The following MTSS2 variants were observed in gnomAD, a reference collection of about 807,000 sequenced individuals.
The protein encoded by MTSS2 is MTSS I-BAR domain containing 2.
In MTSS2, 27 loss-of-function variants were observed where a neutral mutation model predicts 67.1. That is an observed-to-expected ratio of 0.40 (90% CI 0.30 to 0.55). The LOEUF is 0.55. Ranked by LOEUF, MTSS2 falls within the 20% of genes least tolerant of loss-of-function variation. The pLI, the probability that MTSS2 is intolerant of heterozygous loss-of-function variation, is 0.43. For synonymous variants in MTSS2, 624 were observed against 468.6 expected (o/e 1.33, Z -4.28); for missense variants, 1,171 against 1,067.8 (o/e 1.10, Z -1.35).
intron 1 of MTSS2, among the ~76,000 whole-genome samples, chr16:70,681,911 C>T (rs1272730369): frequency 1.3e-5 from 2 of 152,214 alleles, no homozygotes; most frequent in East Asian, 3.9e-4. Flanking sequence ...CCTTGACGGG[C>T]AGCCCTGGGC....
At chr16:70,683,888 G>C (rs1195586752) in intron 1 of MTSS2, among the ~76,000 whole-genome samples, 2 of 152,208 alleles carry the variant, frequency 1.3e-5, no homozygotes, top group African/African-American at 4.8e-5. Context: ...TCTGCCCCTG[G>C]TCATGGCCCC....
rs908620190 is a variant in MTSS2 at position 70,662,530 on chromosome 16, G to C, written c.*1147C>G. 2 of 152,452 alleles carry C rather than the reference G, an allele frequency of 1.3e-5. No homozygotes were observed. Among genetic ancestry groups the C allele is most frequent in the Non-Finnish European group, 2.9e-5 (2 of 68,202 alleles). 9.4% of individuals were successfully genotyped at this position (152,452 alleles called of 1,614,324 possible). A position where few individuals can be genotyped will look rare whatever the true frequency, so the allele number is the denominator to read the frequency against. ...CCCACCTGGGCTTGCAGCCAGCTCAGACCACAGCAGACAGGCCGGGAGCCT... is the reference window on the plus strand; with the variant it reads ...CCCACCTGGGCTTGCAGCCAGCTCACACCACAGCAGACAGGCCGGGAGCCT... On this transcript the variant is annotated 3_prime_UTR_variant, in exon 15 of 15. Coordinates refer to ENST00000338779, the MANE Select transcript of MTSS2 (RefSeq NM_138383.3).
chr16:70,673,121 G>A (rs962862250), intron 11 of MTSS2, among the ~76,000 whole-genome samples: 3 of 152,058 alleles, frequency 2.0e-5, no homozygotes, highest in Admixed American at 6.6e-5. Context: ...CCAAGATCGC[G>A]CCACTGTGCT....
rs188065094 is a variant in MTSS2 at position 70,671,393 on chromosome 16, G to A, written c.1053+2913C>T. Among the ~76,000 whole-genome samples the A allele has an allele frequency of 2.8e-4, 41 of 148,970 alleles. No homozygotes were observed. The East Asian group carries it at 7.5e-3, about 27-fold the overall frequency. On this transcript the variant is annotated intron_variant, in intron 11 of 14. Transcript: ENST00000338779. ...CTCCAGCCTGGGCAATGGAGCGAGAGTCTGTGTCAAAAAAAAAAAAAAAGT... is the reference window on the plus strand; with the variant it reads ...CTCCAGCCTGGGCAATGGAGCGAGAATCTGTGTCAAAAAAAAAAAAAAAGT...
At chr16:70,668,525 A>G (rs1177003567) in intron 11 of MTSS2, among the ~76,000 whole-genome samples, 2 of 152,218 alleles carry the variant, frequency 1.3e-5, no homozygotes, top group Non-Finnish European at 2.9e-5. Context: ...AGAAATAGCC[A>G]CACACCTACA....
At position 70,685,785 on chromosome 16, in the gene MTSS2, T is replaced by C. The variant is rs994060438; in HGVS notation, c.7A>G (p.Thr3Ala). ...AGGGCGCCGCACTCCTTCTCCGCCG[T>C]CTCCATGCTCTGGCTGGGCCGGGCC... ME[T>A]AEKECGALGG... The change falls in exon 1 of 15, where the codon ACG becomes GCG. Residue 3 changes from threonine (T) to alanine (A), a missense_variant. Physicochemically the swap from Thr to Ala is moderately conservative, Grantham distance 58. Around this residue, in one of 2 missense-constraint regions of MTSS2, gnomAD observed 247 missense variants for 311.8 expected, o/e 0.79. Coordinates refer to ENST00000338779, the MANE Select transcript of MTSS2 (RefSeq NM_138383.3). The C allele has an allele frequency of 1.5e-5, 21 of 1,362,680 alleles. No homozygotes were observed. In the African/African-American group the frequency reaches 2.7e-4, roughly 18 times the overall value. The allele number at this position is 1,362,680 out of a possible 1,614,324, so 84.4% of individuals were successfully genotyped here. A position where few individuals can be genotyped will look rare whatever the true frequency, so the allele number is the denominator to read the frequency against.
chr16:70,678,103 G>T, intron 8 of MTSS2, 149 bp downstream of exon 8: 1 of 1,124,618 alleles, frequency 8.9e-7, no homozygotes, highest in Non-Finnish European at 1.3e-6. Flanking sequence ...TCAGTGCATG[G>T]TGAGCTATGA....
Position 70,661,726 on chromosome 16 carries a change from G to A in MTSS2, c.*1951C>T, listed in dbSNP as rs552047831. 54 of 229,384 alleles carry A rather than the reference G, an allele frequency of 2.4e-4. No individual in the cohort carries two copies. The East Asian group carries it at 6.5e-3, about 27-fold the overall frequency. 14.2% of individuals were successfully genotyped at this position (229,384 alleles called of 1,614,324 possible). On this transcript the variant is annotated 3_prime_UTR_variant, in exon 15 of 15. Transcript: ENST00000338779. The stretch of plus-strand genomic sequence containing the variant: ...CACAGGGGAGGGGGACGGCGGAGTC[G>A]GTGGGGGCTGTGCCACACGAGCCCC...
rs2052539256 is a variant in MTSS2, at chr16:70,662,884, T to G, written c.*793A>C. 1 of 152,370 alleles carries G rather than the reference T, an allele frequency of 6.6e-6. No individual in the cohort carries two copies. Among genetic ancestry groups the G allele is most frequent in the South Asian group, 2.1e-4 (1 of 4,840 alleles). 9.4% of individuals were successfully genotyped at this position (152,370 alleles called of 1,614,324 possible). A position where few individuals can be genotyped will look rare whatever the true frequency, so the allele number is the denominator to read the frequency against. The stretch of plus-strand genomic sequence containing the variant: ...GAAGTGGACATCTGAAAACGGTGCC[T>G]GTGTGGCTGGCCGGTGACCCCAGGG... On this transcript the variant is annotated 3_prime_UTR_variant, in exon 15 of 15. Transcript: ENST00000338779.
chr16:70,683,735 G>T (rs1463325678), intron 1 of MTSS2, among the ~76,000 whole-genome samples: 1 of 152,180 alleles, frequency 6.6e-6, no homozygotes, highest in Non-Finnish European at 1.5e-5. Context: ...TGGCCTCACG[G>T]GGCAAGCTCA....
At chr16:70,679,927 G>GGCCCCCCCCC in intron 4 of MTSS2, 44 bp downstream of exon 4, 1 of 1,491,346 alleles carries the variant, frequency 6.7e-7, no homozygotes, top group Non-Finnish European at 9.0e-7. Flanking sequence ...CCCCCGCGAC[G>GGCCCCCCCCC]CCCCGTCCCC....
rs1475751451 is a variant in MTSS2, at chr16:70,665,627, G to A, written c.1054-87C>T. The A allele has an allele frequency of 3.3e-6, 4 of 1,205,030 alleles. No individual in the cohort carries two copies. In the African/African-American group the frequency reaches 4.5e-5, roughly 14 times the overall value. The allele number at this position is 1,205,030 out of a possible 1,614,324, so 74.6% of individuals were successfully genotyped here. A position where few individuals can be genotyped will look rare whatever the true frequency, so the allele number is the denominator to read the frequency against. ...AGGAGAGAACAGTTTTGGTCACAGA[G>A]CTGGCATGCAGGGGGGCGGTTCAAT... On this transcript the variant is annotated intron_variant, in intron 11 of 14. Transcript: ENST00000338779.
chr16:70,685,885 G>A lies in MTSS2; in HGVS notation c.-94C>T, dbSNP rs977654211. On this transcript the variant is annotated 5_prime_UTR_variant, in exon 1 of 15. Transcript: ENST00000338779. ...GCCAGGCCGCGCGGGCGCTCGCTCC[G>A]AGGCCGGGCCGGGCCTCCCGCCTCC... 1.5e-6 allele frequency: 1 copy of A among 667,670 alleles called. No homozygotes were observed. The highest frequency in any genetic ancestry group is 1.9e-6 in the Non-Finnish European group (1 of 539,668). 41.4% of individuals were successfully genotyped at this position (667,670 alleles called of 1,614,324 possible). A position where few individuals can be genotyped will look rare whatever the true frequency, so the allele number is the denominator to read the frequency against.
In MTSS2 at chr16:70,681,461, G is replaced by A. The variant is rs993377273; in HGVS notation, c.70-436C>T. On this transcript the variant is annotated intron_variant, in intron 1 of 14. Coordinates refer to ENST00000338779, the MANE Select transcript of MTSS2 (RefSeq NM_138383.3). ...CACTGACCTGCCCACCAGGGGCAGA[G>A]GCACAGTGTGGAGGGTAGGGGGTGG... Among the ~76,000 whole-genome samples, 5 of 152,378 alleles carry A rather than the reference G, an allele frequency of 3.3e-5. No homozygotes were observed. In the South Asian group the frequency reaches 1.0e-3, roughly 32 times the overall value.
intron 1 of MTSS2, among the ~76,000 whole-genome samples, chr16:70,682,840 ACAGCCCCATT>A (rs1419225441): frequency 6.6e-6 from 1 of 152,028 alleles, no homozygotes; most frequent in Non-Finnish European, 1.5e-5. Context: ...AACCTTCCCC[ACAGCCCCATT>A]TCACCAACAA....
chr16:70,680,918 G>GTGGGGGGGGGGGGGGGGGCCC, intron 2 of MTSS2, 46 bp downstream of exon 2: 1 of 1,097,934 alleles, frequency 9.1e-7, no homozygotes, highest in Non-Finnish European at 1.3e-6. Context: ...CGGGGGGGGG[G>GTGGGGGGGGGGGGGGGGGCCC]CCTCTGCCTG....
At chr16:70,684,536 G>A (rs939089988) in intron 1 of MTSS2, among the ~76,000 whole-genome samples, 10 of 152,186 alleles carry the variant, frequency 6.6e-5, no homozygotes, top group African/African-American at 9.7e-5. Flanking sequence ...CACCCCTCAC[G>A]GGGCCTGTCC....
chr16:70,662,470 C>G lies in MTSS2; in HGVS notation c.*1207G>C, dbSNP rs1482022520. 6.6e-6 allele frequency: 1 copy of G among 152,284 alleles called. No individual in the cohort carries two copies. The highest frequency in any genetic ancestry group is 6.5e-5 in the Admixed American group (1 of 15,278). The allele number at this position is 152,284 out of a possible 1,614,324, so 9.4% of individuals were successfully genotyped here. A position where few individuals can be genotyped will look rare whatever the true frequency, so the allele number is the denominator to read the frequency against. On this transcript the variant is annotated 3_prime_UTR_variant, in exon 15 of 15. Coordinates refer to ENST00000338779, the MANE Select transcript of MTSS2 (RefSeq NM_138383.3). The stretch of plus-strand genomic sequence containing the variant: ...GCTGGGATGGCATCTCCTCCGGCAA[C>G]AGAGAGTCAAAGCCAATCTTCCCAG...
At chr16:70,681,726 C>T (rs1021023212) in intron 1 of MTSS2, among the ~76,000 whole-genome samples, 1 of 152,238 alleles carries the variant, frequency 6.6e-6, no homozygotes, top group Non-Finnish European at 1.5e-5. Flanking sequence ...AACAGTGTGG[C>T]CTTTATCCCA....
Sources: allele counts gnomAD v4.1 joint callset (sites outside exome capture counted in the v4.1 genomes callset), GRCh38; gene constraint gnomAD v4.1.1; regional missense constraint gnomAD v4.1.1; transcripts MANE v1.5; gene names NCBI Gene and HGNC (gene_info 2026-07-23, HGNC 2026-07-21).